PRELID2: variants seen among roughly 807,000 people sequenced by gnomAD.
The protein encoded by PRELID2 is PRELI domain containing 2, also known as PRELI domain-containing protein 2.
PRELID2 carries 25 observed loss-of-function variants against 28.4 expected under a neutral mutation model. The ratio of observed to expected loss-of-function variants is 0.88; its 90% CI spans 0.64 to 1.23. The LOEUF is 1.23. Ranked by LOEUF, PRELID2 falls within the 50% of genes most tolerant of loss-of-function variation. The pLI is 0.00. For missense variants in PRELID2, 201 were observed against 214.4 expected (o/e 0.94, Z 0.39); for synonymous variants, 76 against 71.6 (o/e 1.06, Z -0.31).
intron 1 of PRELID2, among the ~76,000 whole-genome samples, chr5:145,691,179 G>T (rs1455606741): frequency 6.6e-6 from 1 of 152,176 alleles, no homozygotes; most frequent in African/African-American, 2.4e-5. Flanking sequence ...CAAAAAGACA[G>T]GAGGTTCCTG....
the PRELID2 span, among the ~76,000 whole-genome samples, chr5:145,377,810 G>A: frequency 5.3e-5 from 8 of 152,068 alleles, no homozygotes; most frequent in East Asian, 1.9e-4. Context: ...TATTCAGCTT[G>A]CCACTCTGTG....
chr5:145,761,861 G>A (rs1215277926), intron 6 of PRELID2, among the ~76,000 whole-genome samples: 1 of 151,906 alleles, frequency 6.6e-6, no homozygotes, highest in African/African-American at 2.4e-5. Context: ...GAAAACAGTA[G>A]TACCCCCACC....
the PRELID2 span, among the ~76,000 whole-genome samples, chr5:145,407,125 A>G: frequency 7.9e-5 from 12 of 152,342 alleles, no homozygotes; most frequent in East Asian, 1.9e-4. Context: ...ATATGAGCAC[A>G]GAAGCTATAG....
the PRELID2 span, among the ~76,000 whole-genome samples, chr5:145,337,029 G>A: frequency 6.7e-6 from 1 of 150,288 alleles, no homozygotes; most frequent in African/African-American, 2.5e-5. Context: ...GAGTTAATGG[G>A]TGCAGCACAC....
At chr5:145,779,144 TTATAA>T (rs1459131169) in intron 5 of PRELID2, among the ~76,000 whole-genome samples, 2 of 152,184 alleles carry the variant, frequency 1.3e-5, no homozygotes, top group Admixed American at 6.5e-5. Context: ...GAAAATAATA[TTATAA>T]TATGTTCATT....
downstream of PRELID2, among the ~76,000 whole-genome samples, chr5:145,752,594 T>C (rs976478972): frequency 7.9e-5 from 12 of 152,176 alleles, no homozygotes; most frequent in African/African-American, 2.4e-4. Flanking sequence ...CAAAATGTCA[T>C]TTGTGAAAGA....
intron 1 of PRELID2, among the ~76,000 whole-genome samples, chr5:145,603,068 T>C (rs538796408): frequency 2.0e-5 from 3 of 151,802 alleles, no homozygotes; most frequent in South Asian, 4.2e-4. Flanking sequence ...ACGTGAAAAA[T>C]AACTCGATAT....
At chr5:145,731,127 T>C (rs894635711) in intron 1 of PRELID2, among the ~76,000 whole-genome samples, 1 of 152,230 alleles carries the variant, frequency 6.6e-6, no homozygotes, top group Admixed American at 6.5e-5. Context: ...CCTCTTTAAC[T>C]CTTACATGTT....
chr5:145,404,848 G>A, the PRELID2 span, among the ~76,000 whole-genome samples: 1 of 152,128 alleles, frequency 6.6e-6, no homozygotes, highest in Non-Finnish European at 1.5e-5. Flanking sequence ...GAGGAAGAAA[G>A]ATATCTGCAT....
At chr5:145,380,247 T>A in the PRELID2 span, among the ~76,000 whole-genome samples, 5 of 152,276 alleles carry the variant, frequency 3.3e-5, no homozygotes, top group Non-Finnish European at 5.9e-5. Context: ...TCCAGAGCCA[T>A]TGGGGGCCAG....
At chr5:145,630,609 A>C (rs1032090151) in intron 1 of PRELID2, among the ~76,000 whole-genome samples, 6 of 152,174 alleles carry the variant, frequency 3.9e-5, no homozygotes, top group Admixed American at 2.0e-4. Flanking sequence ...CCAAGATAAG[A>C]AAAGCCAGAG....
chr5:145,790,139 T>C (rs555061120), intron 5 of PRELID2, among the ~76,000 whole-genome samples: 1 of 152,322 alleles, frequency 6.6e-6, no homozygotes, highest in South Asian at 2.1e-4. Context: ...GCAATCCCAC[T>C]TCTGGGTATT....
At chr5:145,587,010 G>A (rs1753162465) in intron 1 of PRELID2, among the ~76,000 whole-genome samples, 4 of 152,028 alleles carry the variant, frequency 2.6e-5, no homozygotes, top group African/African-American at 9.7e-5. Flanking sequence ...AAACTAATTG[G>A]TTATTGTAAA....
the PRELID2 span, among the ~76,000 whole-genome samples, chr5:145,247,818 C>T: frequency 2.0e-5 from 3 of 152,134 alleles, no homozygotes; most frequent in Non-Finnish European, 4.4e-5. Flanking sequence ...CCTCCTGTCT[C>T]TGAGACATCC....
At chr5:145,809,486 G>T (rs1317598180) in intron 4 of PRELID2, among the ~76,000 whole-genome samples, 1 of 152,140 alleles carries the variant, frequency 6.6e-6, no homozygotes, top group East Asian at 1.9e-4. Context: ...CCTCCAACCT[G>T]GCCATGGGCC....
intron 1 of PRELID2, among the ~76,000 whole-genome samples, chr5:145,615,389 A>G (rs1330580949): frequency 8.1e-6 from 1 of 123,492 alleles, no homozygotes; most frequent in Non-Finnish European, 1.6e-5. Context: ...GCAGTGGCGC[A>G]ATCTCGGCTC....
chr5:145,601,164 G>A (rs1238397341), intron 1 of PRELID2, among the ~76,000 whole-genome samples: 1 of 151,726 alleles, frequency 6.6e-6, no homozygotes, highest in African/African-American at 2.4e-5. Flanking sequence ...AAAAAAGTAA[G>A]TAAATAAATA....
Position 145,819,467 on chromosome 5 carries a change from T to C in PRELID2, c.207+478A>G, listed in dbSNP as rs1387457848. On this transcript the variant is annotated intron_variant, in intron 3 of 6. Coordinates refer to ENST00000683046, the MANE Select transcript of PRELID2 (RefSeq NM_205846.3). ...CATGAAGATTTCATCATCAATGATA[T>C]TACTTTAGAGAAATACACATAAAGA... 7 of 1,188,742 alleles carry C rather than the reference T, an allele frequency of 5.9e-6. No homozygotes were observed. The Admixed American group carries it at 9.0e-5, about 15-fold the overall frequency. 73.6% of individuals were successfully genotyped at this position (1,188,742 alleles called of 1,614,324 possible).
intron 1 of PRELID2, among the ~76,000 whole-genome samples, chr5:145,627,055 C>G (rs62394226): frequency 0.21 from 26,672 of 126,972 alleles, 4,280 homozygotes; most frequent in African/African-American, 0.46. Context: ...AGCTGAGATT[C>G]TGCCACAGCA....
Sources: gnomAD v4.1 joint callset for allele counts (sites outside exome capture counted in the v4.1 genomes callset) on GRCh38, gnomAD v4.1.1 for gene constraint, MANE v1.5 for transcripts, NCBI Gene and HGNC (gene_info 2026-07-23, HGNC 2026-07-21) for gene names.